Variants in ZNF518A observed in about 807,000 individuals in gnomAD.
ZNF518A encodes zinc finger protein 518.
ZNF518A carries 47 observed loss-of-function variants against 102.7 expected under a neutral mutation model. The observed-to-expected ratio is 0.46, with a 90% CI of 0.36 to 0.58. The LOEUF (loss-of-function observed/expected upper bound fraction) is 0.58, where lower values mean the gene tolerates loss of function less well. ZNF518A is among the 20% of genes least tolerant of loss of function. ZNF518A has a pLI of 0.00. For missense variants in ZNF518A, 1,793 were observed against 1,699.8 expected (o/e 1.05, Z -0.96); for synonymous variants, 652 against 594.6 (o/e 1.10, Z -1.40).
At position 96,157,121 on chromosome 10, in the gene ZNF518A, T is replaced by C. The variant is rs375949246; in HGVS notation, c.799T>C (p.Cys267Arg). 6 of 1,613,866 alleles carry C rather than the reference T, an allele frequency of 3.7e-6. No homozygotes were observed. The highest frequency in any genetic ancestry group is 5.1e-6 in the Non-Finnish European group (6 of 1,179,794). Reference sequence around the variant, plus strand: ...TACTTTTCCCTTCACTTGTCAATATTGTAGCTATGGTGCCACCAGGAGAGA... The same window carrying C: ...TACTTTTCCCTTCACTTGTCAATATCGTAGCTATGGTGCCACCAGGAGAGA... ...SGTFPFTCQY[C>R]SYGATRREHL... The change falls in exon 6 of 6, where the codon TGT becomes CGT. Residue 267 changes from cysteine (C) to arginine (R), a missense_variant. By Grantham distance (180) the Cys-to-Arg change is radical. This residue lies in a region of ZNF518A where 1,741 missense variants were observed against 1,622.6 expected (regional missense o/e 1.07). Coordinates refer to ENST00000316045, the MANE Select transcript of ZNF518A (RefSeq NM_001330736.2).
chr10:96,155,127 C>T lies in ZNF518A; in HGVS notation c.-301-199C>T, dbSNP rs181974341. ...ATAATACAGTTTGATATATTAATGACTGAACCTTCAGTATTCAGATTCCTG... is the reference window on the plus strand; with the variant it reads ...ATAATACAGTTTGATATATTAATGATTGAACCTTCAGTATTCAGATTCCTG... On this transcript the variant is annotated intron_variant, in intron 3 of 5. Coordinates refer to ENST00000316045, the MANE Select transcript of ZNF518A (RefSeq NM_001330736.2). Among the ~76,000 whole-genome samples the T allele has an allele frequency of 3.2e-3, 489 of 151,996 alleles. 2 individuals are homozygous for T. Among genetic ancestry groups the T allele is most frequent in the Non-Finnish European group, 5.2e-3 (354 of 67,996 alleles).
chr10:96,131,600 G>T (rs1471915399), intron 1 of ZNF518A, among the ~76,000 whole-genome samples: 1 of 152,264 alleles, frequency 6.6e-6, no homozygotes. Context: ...TAAAATGTAG[G>T]TATGTTACAC....
intron 1 of ZNF518A, among the ~76,000 whole-genome samples, chr10:96,176,159 G>A (rs1449573618): frequency 6.6e-6 from 1 of 151,896 alleles, no homozygotes; most frequent in East Asian, 1.9e-4. Context: ...TCAGACTCCT[G>A]GCCTCAAGTG....
chr10:96,142,875 G>A (rs1439897153), intron 3 of ZNF518A, among the ~76,000 whole-genome samples: 2 of 150,704 alleles, frequency 1.3e-5, no homozygotes, highest in Non-Finnish European at 2.9e-5. Context: ...GCGTGATCCC[G>A]GCTCACTGCC....
chr10:96,176,990 A>G (rs1040941416), intron 1 of ZNF518A, among the ~76,000 whole-genome samples: 2 of 151,598 alleles, frequency 1.3e-5, no homozygotes, highest in Admixed American at 1.3e-4. Flanking sequence ...CAGTGGGAGG[A>G]TACTTGAGCC....
chr10:96,159,368 G>T lies in ZNF518A; in HGVS notation c.3046G>T (p.Val1016Leu), dbSNP rs1292675507. The change falls in exon 6 of 6, where the codon GTA becomes TTA. Residue 1016 changes from valine (V) to leucine (L), a missense_variant. Transcript: ENST00000316045. ...KEPCKTPILKVEPNNNCLTPG... is the reference protein window; with the variant it reads ...KEPCKTPILKLEPNNNCLTPG... ...GCCTTGCAAAACACCTATTTTGAAGGTAGAACCAAACAATAATTGTCTTAC... is the reference window on the plus strand; with the variant it reads ...GCCTTGCAAAACACCTATTTTGAAGTTAGAACCAAACAATAATTGTCTTAC... The T allele has an allele frequency of 6.3e-5, 101 of 1,613,670 alleles. No homozygotes were observed. The highest frequency in any genetic ancestry group is 8.4e-5 in the Non-Finnish European group (99 of 1,179,790).
At chr10:96,148,816 C>T (rs1237898263) in intron 3 of ZNF518A, among the ~76,000 whole-genome samples, 1 of 152,190 alleles carries the variant, frequency 6.6e-6, no homozygotes, top group Non-Finnish European at 1.5e-5. Flanking sequence ...CCCAGGTTCA[C>T]ACCATTCTCC....
intron 1 of ZNF518A, among the ~76,000 whole-genome samples, chr10:96,190,820 C>T (rs896591298): frequency 1.2e-4 from 19 of 152,312 alleles, no homozygotes; most frequent in East Asian, 3.9e-4. Flanking sequence ...TGATTCTCCA[C>T]GATGGTATCT....
chr10:96,196,047 T>C (rs1427992602), intron 1 of ZNF518A, among the ~76,000 whole-genome samples: 3 of 152,254 alleles, frequency 2.0e-5, no homozygotes, highest in Non-Finnish European at 4.4e-5. Flanking sequence ...CATGACATTT[T>C]CCAACAATTC....
chr10:96,202,806 T>C (rs955189228), intron 1 of ZNF518A, among the ~76,000 whole-genome samples: 38 of 152,208 alleles, frequency 2.5e-4, no homozygotes, highest in African/African-American at 8.4e-4. Flanking sequence ...CCATGGCTAA[T>C]ATTTTCTGAC....
intron 1 of ZNF518A, chr10:96,196,969 G>T: frequency 6.2e-7 from 1 of 1,613,440 alleles, no homozygotes; most frequent in Non-Finnish European, 8.5e-7. Flanking sequence ...AAATCGCACA[G>T]GAATATTATA....
At chr10:96,187,999 C>T (rs1554892795) in intron 1 of ZNF518A, among the ~76,000 whole-genome samples, 1 of 152,202 alleles carries the variant, frequency 6.6e-6, no homozygotes, top group Non-Finnish European at 1.5e-5. Flanking sequence ...CAGGCGAGTG[C>T]CACCATGCCC....
chr10:96,169,045 G>A (rs1368934818), intron 1 of ZNF518A, among the ~76,000 whole-genome samples: 3 of 151,836 alleles, frequency 2.0e-5, no homozygotes, highest in Admixed American at 6.6e-5. Flanking sequence ...ATTTATTTTA[G>A]AGAGGCTGGT....
Position 96,158,047 on chromosome 10 carries a change from T to C in ZNF518A, c.1725T>C (p.Asn575=). 1 of 1,613,784 alleles carries C rather than the reference T, an allele frequency of 6.2e-7. No homozygotes were observed. Among genetic ancestry groups the C allele is most frequent in the Non-Finnish European group, 8.5e-7 (1 of 1,179,802 alleles). Reference sequence around the variant, plus strand: ...CCACAAAATTTGAAACAAGAGATAATGTTGACTTCTGGGGAAATCATCTCA... The same window carrying C: ...CCACAAAATTTGAAACAAGAGATAACGTTGACTTCTGGGGAAATCATCTCA... The part of the protein sequence containing the change: ...NLTTKFETRD[N]VDFWGNHLTQ... The change falls in exon 6 of 6, where the codon AAT becomes AAC. Residue 575 remains asparagine (N), a synonymous_variant. Coordinates refer to ENST00000316045, the MANE Select transcript of ZNF518A (RefSeq NM_001330736.2).
In ZNF518A at chr10:96,159,126, C is replaced by T; in HGVS notation, c.2804C>T (p.Ser935Leu). 6.2e-7 allele frequency: 1 copy of T among 1,611,998 alleles called. No homozygotes were observed. The highest frequency in any genetic ancestry group is 1.3e-5 in the African/African-American group (1 of 74,782). The change falls in exon 6 of 6, where the codon TCA becomes TTA. Residue 935 changes from serine (S) to leucine (L), a missense_variant. Physicochemically the swap from Ser to Leu is moderately radical, Grantham distance 145. Transcript: ENST00000316045. ...EQKKTIIVQTSKGFLIPLNIT... is the reference protein window; with the variant it reads ...EQKKTIIVQTLKGFLIPLNIT... Reference sequence around the variant, plus strand: ...AAAAAAACTATAATTGTTCAGACTTCAAAAGGATTCTTAATACCATTGAAC... The same window carrying T: ...AAAAAAACTATAATTGTTCAGACTTTAAAAGGATTCTTAATACCATTGAAC...
intron 1 of ZNF518A, among the ~76,000 whole-genome samples, chr10:96,178,403 C>G (rs190682747): frequency 2.6e-5 from 4 of 151,932 alleles, no homozygotes; most frequent in African/African-American, 9.6e-5. Flanking sequence ...TATTTTTAAG[C>G]GAATGAAATT....
chr10:96,197,120 G>A (rs1554894899), intron 1 of ZNF518A: 6 of 1,426,356 alleles, frequency 4.2e-6, no homozygotes, highest in East Asian at 4.9e-5. Flanking sequence ...TATTTCTACA[G>A]GTTCAAAAAA....
At position 96,160,754 on chromosome 10, in the gene ZNF518A, G is replaced by C. The variant is rs782497643; in HGVS notation, c.4432G>C (p.Asp1478His). Reference sequence around the variant, plus strand: ...GAGACATTTAATGGAAGCTACTCGGGATTGGAACATGTTAGAATAGTTTAC... The same window carrying C: ...GAGACATTTAATGGAAGCTACTCGGCATTGGAACATGTTAGAATAGTTTAC... ...GQRHLMEATR[D>H]WNMLE Residue 1478 changes from aspartate to histidine, a missense_variant, in exon 6 of 6, where the codon GAT (aspartate) becomes CAT (histidine). By Grantham distance (81) the Asp-to-His change is moderately conservative (BLOSUM62 -1). Transcript: ENST00000316045. 3.8e-6 allele frequency: 6 copies of C among 1,590,326 alleles called. No individual in the cohort carries two copies. The highest frequency in any genetic ancestry group is 1.4e-5 in the African/African-American group (1 of 73,616).
rs1408414746 is a variant in ZNF518A at position 96,189,340 on chromosome 10, C to T, written n.36-14234C>T. ...ATGAAATAAGATGGAAAAATGTTAA[C>T]AAATTGTTTAAACTATTTTCTAAAG... On this transcript the variant is annotated intron_variant and non_coding_transcript_variant, in intron 1 of 2. Coordinates refer to the ZNF518A transcript ENST00000442635. 8 of 546,198 alleles carry T rather than the reference C, an allele frequency of 1.5e-5. No individual in the cohort carries two copies. In the East Asian group the frequency reaches 2.6e-4, roughly 18 times the overall value. 33.8% of individuals were successfully genotyped at this position (546,198 alleles called of 1,614,324 possible).
Sources: gnomAD v4.1 joint callset for allele counts (sites outside exome capture counted in the v4.1 genomes callset) on GRCh38, gnomAD v4.1.1 for gene constraint, gnomAD v4.1.1 regional missense constraint, MANE v1.5 for transcripts, NCBI Gene and HGNC (gene_info 2026-07-23, HGNC 2026-07-21) for gene names.